Variants in PLPPR5 observed in about 807,000 individuals in gnomAD.
PLPPR5 encodes phospholipid phosphatase related 5, also known as phospholipid phosphatase-related protein type 5.
Under a neutral mutation model 33.9 loss-of-function variants are expected in PLPPR5, and 16 were observed. That is an observed-to-expected ratio of 0.47 (90% CI 0.32 to 0.72). The LOEUF (loss-of-function observed/expected upper bound fraction) is 0.72, where lower values mean the gene tolerates loss of function less well. Among genes scored for constraint, PLPPR5 ranks in the 30% least tolerant of loss-of-function variants. The pLI, the probability that PLPPR5 is intolerant of heterozygous loss-of-function variation, is 0.03. For missense variants in PLPPR5, 301 were observed against 406.7 expected (o/e 0.74, Z 2.23); for synonymous variants, 163 against 150.3 (o/e 1.08, Z -0.62).
chr1:98,985,426 C>CT lies in PLPPR5; in HGVS notation c.237+19008dup, dbSNP rs1652221446. ...CCTTTTTGGTGGAGCTGAAAAATTC[C>CT]TTAGTGATATTATACCATCATAACA... On this transcript the variant is annotated intron_variant, in intron 1 of 5. Transcript: ENST00000263177. 2.0e-5 allele frequency among the ~76,000 whole-genome samples: 3 copies of CT among 151,922 alleles called. No individual in the cohort carries two copies. In the South Asian group the frequency reaches 6.2e-4, roughly 31 times the overall value.
At chr1:98,904,419 T>G (rs1648820397) in intron 5 of PLPPR5, among the ~76,000 whole-genome samples, 1 of 152,110 alleles carries the variant, frequency 6.6e-6, no homozygotes, top group Non-Finnish European at 1.5e-5. Context: ...TGTGGCCTGC[T>G]GTACCTGCCT....
intron 3 of PLPPR5, among the ~76,000 whole-genome samples, chr1:98,950,578 T>C (rs1166676982): frequency 2.6e-5 from 4 of 152,198 alleles, no homozygotes; most frequent in African/African-American, 9.7e-5. Flanking sequence ...AAACACTATT[T>C]TGCCAGAATA....
intron 1 of PLPPR5, among the ~76,000 whole-genome samples, chr1:98,963,692 AC>A (rs1651329326): frequency 1.3e-5 from 2 of 152,162 alleles, no homozygotes; most frequent in South Asian, 4.2e-4. Flanking sequence ...CTGCCCACTT[AC>A]AGGTCACACC....
chr1:98,938,055 C>T (rs1335860712), intron 3 of PLPPR5, among the ~76,000 whole-genome samples: 4 of 151,932 alleles, frequency 2.6e-5, no homozygotes, highest in African/African-American at 9.7e-5. Flanking sequence ...GGAGAGTAAG[C>T]TCATAGAGGG....
intron 2 of PLPPR5, 130 bp downstream of exon 2, chr1:98,956,479 G>A: frequency 2.2e-6 from 2 of 894,960 alleles, no homozygotes; most frequent in Non-Finnish European, 3.2e-6. Context: ...ATTTTTAAAA[G>A]CAAATTGAAA....
intron 1 of PLPPR5, among the ~76,000 whole-genome samples, chr1:98,974,476 G>T (rs1394906862): frequency 6.6e-6 from 1 of 152,078 alleles, no homozygotes; most frequent in African/African-American, 2.4e-5. Flanking sequence ...CTTAAATGAT[G>T]AAATCAATTA....
intron 3 of PLPPR5, among the ~76,000 whole-genome samples, chr1:98,929,024 T>C (rs1649868210): frequency 1.3e-5 from 2 of 152,122 alleles, no homozygotes; most frequent in Non-Finnish European, 2.9e-5. Flanking sequence ...CTTTAGAGAC[T>C]TAGGAGATTC....
intron 3 of PLPPR5, among the ~76,000 whole-genome samples, chr1:98,924,453 G>A (rs1649678492): frequency 6.6e-6 from 1 of 152,152 alleles, no homozygotes; most frequent in Non-Finnish European, 1.5e-5. Context: ...GTGAATGCAA[G>A]ACAGTCAGAA....
chr1:98,964,204 TTTGA>T (rs1358853041), intron 1 of PLPPR5, among the ~76,000 whole-genome samples: 1 of 152,206 alleles, frequency 6.6e-6, no homozygotes, highest in Non-Finnish European at 1.5e-5. Context: ...CACAGTTTTC[TTTGA>T]TAAAACTTCC....
chr1:98,941,865 T>C (rs1650379138), intron 3 of PLPPR5, among the ~76,000 whole-genome samples: 1 of 147,714 alleles, frequency 6.8e-6, no homozygotes, highest in Admixed American at 6.9e-5. Context: ...AGACTGTGCT[T>C]ATAAGAAGAA....
At chr1:98,901,794 TATTA>T (rs1648703194) in intron 5 of PLPPR5, among the ~76,000 whole-genome samples, 1 of 152,110 alleles carries the variant, frequency 6.6e-6, no homozygotes, top group African/African-American at 2.4e-5. Context: ...TATCTTAAAT[TATTA>T]ATTGAGCTTA....
chr1:98,927,526 G>A (rs960670379), intron 3 of PLPPR5, among the ~76,000 whole-genome samples: 1 of 152,184 alleles, frequency 6.6e-6, no homozygotes, highest in Non-Finnish European at 1.5e-5. Flanking sequence ...GCCCCAGGTG[G>A]GCTGCCTGCC....
chr1:98,903,456 G>A (rs1648776773), intron 5 of PLPPR5, among the ~76,000 whole-genome samples: 1 of 152,110 alleles, frequency 6.6e-6, no homozygotes, highest in Non-Finnish European at 1.5e-5. Flanking sequence ...ACACAGTAAT[G>A]TATAATCATA....
rs760594207 is a variant in PLPPR5, at chr1:99,004,543, G to A, written c.129C>T (p.Phe43=). Residue 43 remains phenylalanine, a synonymous_variant, in exon 1 of 6, where the codon TTC becomes TTT. Coordinates refer to ENST00000263177, the MANE Select transcript of PLPPR5 (RefSeq NM_001037317.2). ...TGCGGTAGGCGCTGTCGTGGCAGAA[G>A]AAGCCCTGCACGTTCACGGTGAACG... ...TDTFTVNVQG[F]FCHDSAYRKP... is the part of the protein sequence containing the mutation. 4 of 1,613,068 alleles carry A rather than the reference G, an allele frequency of 2.5e-6. No individual in the cohort carries two copies. The Admixed American group carries it at 5.0e-5, about 20-fold the overall frequency.
At chr1:98,917,116 C>A (rs1244021982) in intron 4 of PLPPR5, among the ~76,000 whole-genome samples, 6 of 152,064 alleles carry the variant, frequency 3.9e-5, no homozygotes, top group African/African-American at 1.4e-4. Context: ...CTTCTCTGGA[C>A]ACGTTCAAGG....
intron 3 of PLPPR5, among the ~76,000 whole-genome samples, chr1:98,931,873 G>T (rs750723351): frequency 7.9e-5 from 12 of 152,158 alleles, no homozygotes; most frequent in Non-Finnish European, 1.8e-4. Context: ...TATCACTTTG[G>T]GAGAATCAGT....
intron 5 of PLPPR5, among the ~76,000 whole-genome samples, chr1:98,913,554 C>A (rs973208767): frequency 6.6e-6 from 1 of 152,190 alleles, no homozygotes; most frequent in African/African-American, 2.4e-5. Context: ...CTACTTTACA[C>A]GTGAAGTTTT....
intron 5 of PLPPR5, among the ~76,000 whole-genome samples, chr1:98,898,782 C>T (rs1648578217): frequency 1.3e-5 from 2 of 152,114 alleles, no homozygotes; most frequent in Admixed American, 1.3e-4. Context: ...TACAGTGGTT[C>T]TGTTTCAGTT....
Position 98,892,647 on chromosome 1 carries a change from T to C in PLPPR5, c.*425A>G, listed in dbSNP as rs1648316485. 6.5e-6 allele frequency: 1 copy of C among 153,730 alleles called. No individual in the cohort carries two copies. Among genetic ancestry groups the C allele is most frequent in the Admixed American group, 6.5e-5 (1 of 15,276 alleles). 9.5% of individuals were successfully genotyped at this position (153,730 alleles called of 1,614,324 possible). Reference sequence around the variant, plus strand: ...TTCAAAGTCCACTTCAAATTAAATATGGCATACTGCTGAATAGATATATGA... The same window carrying C: ...TTCAAAGTCCACTTCAAATTAAATACGGCATACTGCTGAATAGATATATGA... On this transcript the variant is annotated 3_prime_UTR_variant, in exon 6 of 6. Coordinates refer to ENST00000263177, the MANE Select transcript of PLPPR5 (RefSeq NM_001037317.2).
Sources: gnomAD v4.1 joint callset for allele counts (sites outside exome capture counted in the v4.1 genomes callset) on GRCh38, gnomAD v4.1.1 for gene constraint, MANE v1.5 for transcripts, NCBI Gene and HGNC (gene_info 2026-07-23, HGNC 2026-07-21) for gene names.